KCNAB1: variants seen among roughly 807,000 people sequenced by gnomAD.
The protein encoded by KCNAB1 is voltage-gated potassium channel subunit beta-1.
In KCNAB1, 35 loss-of-function variants were observed where a neutral mutation model predicts 64.6. The ratio of observed to expected loss-of-function variants is 0.54; its 90% confidence interval spans 0.41 to 0.72. The LOEUF (loss-of-function observed/expected upper bound fraction) is 0.72, where lower values mean the gene tolerates loss of function less well. Among genes scored for constraint, KCNAB1 ranks in the 30% least tolerant of loss-of-function variants. KCNAB1 has a pLI of 0.00. For synonymous variants in KCNAB1, 177 were observed against 183.8 expected (o/e 0.96, Z 0.30); for missense variants, 401 against 512.9 (o/e 0.78, Z 2.11).
intron 8 of KCNAB1, among the ~76,000 whole-genome samples, chr3:156,500,750 G>A (rs1424521043): frequency 7.2e-5 from 11 of 152,066 alleles, no homozygotes; most frequent in Non-Finnish European, 1.6e-4. Context: ...TTCTGTATAC[G>A]TTTTGTAGAT....
intron 1 of KCNAB1, among the ~76,000 whole-genome samples, chr3:156,386,493 A>G (rs1712604571): frequency 6.6e-6 from 1 of 152,190 alleles, no homozygotes; most frequent in Non-Finnish European, 1.5e-5. Context: ...TTCAATTGAC[A>G]CTTCAGTGCA....
intron 8 of KCNAB1, among the ~76,000 whole-genome samples, chr3:156,488,837 A>G (rs1715414081): frequency 6.6e-6 from 1 of 152,112 alleles, no homozygotes; most frequent in South Asian, 2.1e-4. Context: ...CTAGCCGTGG[A>G]CTGTAATGTG....
At chr3:156,351,510 A>G (rs1215050321) in intron 1 of KCNAB1, among the ~76,000 whole-genome samples, 2 of 152,100 alleles carry the variant, frequency 1.3e-5, no homozygotes, top group African/African-American at 4.8e-5. Context: ...TTGCCCCCCA[A>G]TTTCTTTTTA....
At chr3:156,410,391 T>A (rs1714566887) in intron 1 of KCNAB1, among the ~76,000 whole-genome samples, 1 of 152,238 alleles carries the variant, frequency 6.6e-6, no homozygotes, top group Non-Finnish European at 1.5e-5. Context: ...TTTGCCCCCA[T>A]CTCCTTCAGT....
intron 1 of KCNAB1, among the ~76,000 whole-genome samples, chr3:156,413,646 C>A (rs1381097049): frequency 6.6e-6 from 1 of 152,170 alleles, no homozygotes; most frequent in Non-Finnish European, 1.5e-5. Flanking sequence ...CTCAACTGCC[C>A]CGTGTCTTCT....
intron 1 of KCNAB1, among the ~76,000 whole-genome samples, chr3:156,218,828 AATAAAT>A (rs1576616302): frequency 6.8e-6 from 1 of 148,076 alleles, no homozygotes; most frequent in East Asian, 1.9e-4. Context: ...AATAAAAATA[AATAAAT>A]AAATAAATAT....
At chr3:156,486,594 G>C (rs1326217091) in intron 8 of KCNAB1, among the ~76,000 whole-genome samples, 2 of 152,260 alleles carry the variant, frequency 1.3e-5, no homozygotes, top group Non-Finnish European at 2.9e-5. Context: ...TATCTGTCTT[G>C]GTGGCACCAC....
intron 8 of KCNAB1, among the ~76,000 whole-genome samples, chr3:156,513,712 C>A (rs1717372604): frequency 6.6e-6 from 1 of 152,176 alleles, no homozygotes; most frequent in Non-Finnish European, 1.5e-5. Flanking sequence ...GGTGGGACCA[C>A]AAACAGGCCC....
chr3:156,342,585 C>CTTTTTTTTTTTTTTTTTTTTTTTTTTTT (rs60982892), intron 1 of KCNAB1, among the ~76,000 whole-genome samples: 15 of 86,260 alleles, frequency 1.7e-4, no homozygotes, highest in Non-Finnish European at 1.8e-4. Context: ...CTATGTGTTT[C>CTTTTTTTTTTTTTTTTTTTTTTTTTTTT]TTTTTTTTTT....
chr3:156,521,287 A>G (rs949013745), intron 11 of KCNAB1, among the ~76,000 whole-genome samples: 1 of 152,158 alleles, frequency 6.6e-6, no homozygotes, highest in African/African-American at 2.4e-5. Flanking sequence ...AATAATATGG[A>G]AGCCACAAGC....
chr3:156,202,999 G>A (rs1189003856), intron 1 of KCNAB1, among the ~76,000 whole-genome samples: 1 of 152,172 alleles, frequency 6.6e-6, no homozygotes, highest in East Asian at 1.9e-4. Flanking sequence ...ATTTTTTAAA[G>A]TTTTTAGATT....
chr3:156,313,816 T>C (rs1462316329), intron 1 of KCNAB1, among the ~76,000 whole-genome samples: 1 of 152,254 alleles, frequency 6.6e-6, no homozygotes, highest in Non-Finnish European at 1.5e-5. Flanking sequence ...CCCGTCATCA[T>C]GTTAAAGCAT....
intron 2 of KCNAB1, among the ~76,000 whole-genome samples, chr3:156,440,966 A>C (rs1269781621): frequency 2.0e-5 from 3 of 152,162 alleles, no homozygotes; most frequent in African/African-American, 7.2e-5. Context: ...ATTTTAAAAA[A>C]TTCTTAGTCA....
chr3:156,375,361 G>T (rs1241281585), intron 1 of KCNAB1, among the ~76,000 whole-genome samples: 1 of 134,610 alleles, frequency 7.4e-6, no homozygotes, highest in African/African-American at 3.4e-5. Flanking sequence ...CTGGGCTGGT[G>T]TTATTATCTC....
At chr3:156,510,353 C>T (rs1375471970) in intron 8 of KCNAB1, among the ~76,000 whole-genome samples, 2 of 152,156 alleles carry the variant, frequency 1.3e-5, no homozygotes, top group Admixed American at 6.5e-5. Context: ...TACAAACCTC[C>T]CTGGGTCCCA....
At chr3:156,228,169 C>T (rs1322238078) in intron 1 of KCNAB1, among the ~76,000 whole-genome samples, 6 of 151,886 alleles carry the variant, frequency 4.0e-5, no homozygotes, top group Admixed American at 1.3e-4. Flanking sequence ...TGAGCACCTC[C>T]CCTTGGCAGT....
At chr3:156,509,426 G>A (rs1717038088) in intron 8 of KCNAB1, among the ~76,000 whole-genome samples, 1 of 152,176 alleles carries the variant, frequency 6.6e-6, no homozygotes, top group South Asian at 2.1e-4. Context: ...GCTACACCCT[G>A]AGACCATTGG....
chr3:156,501,291 A>C (rs1716383560), intron 8 of KCNAB1, among the ~76,000 whole-genome samples: 1 of 152,224 alleles, frequency 6.6e-6, no homozygotes, highest in Non-Finnish European at 1.5e-5. Context: ...AAGTAGGAAT[A>C]AAAAGATTTT....
At chr3:156,275,182 AGTTT>A (rs936042507) in intron 1 of KCNAB1, among the ~76,000 whole-genome samples, 5 of 152,230 alleles carry the variant, frequency 3.3e-5, no homozygotes, top group African/African-American at 7.2e-5. Context: ...TATTCCAATA[AGTTT>A]GTTTATTTCC....
Sources: allele counts gnomAD v4.1 joint callset (sites outside exome capture counted in the v4.1 genomes callset), GRCh38; gene constraint gnomAD v4.1.1; transcripts MANE v1.5; gene names NCBI Gene and HGNC (gene_info 2026-07-23, HGNC 2026-07-21).